Variants in MYH6 observed in about 807,000 individuals in gnomAD.
The protein encoded by MYH6 is myosin-6.
A neutral mutation model predicts 223.2 loss-of-function variants in MYH6; 126 were observed. The ratio of observed to expected loss-of-function variants is 0.56; its 90% CI spans 0.49 to 0.65. The LOEUF is 0.65. Ranked by LOEUF, MYH6 falls within the 30% of genes least tolerant of loss-of-function variation. The pLI is 0.00. For missense variants in MYH6, 2,040 were observed against 2,536.4 expected (o/e 0.80, Z 4.20); for synonymous variants, 978 against 1,010.2 (o/e 0.97, Z 0.61).
At position 23,384,763 on chromosome 14, in the gene MYH6, G is replaced by T. The variant is rs541256118; in HGVS notation, c.5290-46C>A. The stretch of plus-strand genomic sequence containing the variant: ...GCAAGGAACATGGGCCAGGGGCCGG[G>T]GCCTTTTGCCCCCCAAGGATCTCCT... On this transcript the variant is annotated intron_variant, in intron 35 of 38. Coordinates refer to ENST00000405093, the MANE Select transcript of MYH6 (RefSeq NM_002471.4). The T allele has an allele frequency of 5.6e-6, 9 of 1,614,092 alleles. No homozygotes were observed. In the South Asian group the frequency reaches 9.9e-5, roughly 18 times the overall value.
At position 23,387,509 on chromosome 14, in the gene MYH6, A is replaced by G. The variant is rs1335878588; in HGVS notation, c.4650+20T>C. 1.2e-6 allele frequency: 2 copies of G among 1,612,078 alleles called. No individual in the cohort carries two copies. Among genetic ancestry groups the G allele is most frequent in the African/African-American group, 2.7e-5 (2 of 74,888 alleles). On this transcript the variant is annotated intron_variant, in intron 32 of 38. Coordinates refer to ENST00000405093, the MANE Select transcript of MYH6 (RefSeq NM_002471.4). Reference sequence around the variant, plus strand: ...CAGCGGCAGAACAGGGATGGGGTGCAGGGAGTTCTCGGCCCTCACCTCTGC... The same window carrying G: ...CAGCGGCAGAACAGGGATGGGGTGCGGGGAGTTCTCGGCCCTCACCTCTGC...
Position 23,394,067 on chromosome 14 carries a change from C to A in MYH6, c.2685+1G>T. 1 of 1,614,138 alleles carries A rather than the reference C, an allele frequency of 6.2e-7. No individual in the cohort carries two copies. On this transcript the variant is annotated splice_donor_variant, in intron 21 of 38. Coordinates refer to ENST00000405093, the MANE Select transcript of MYH6 (RefSeq NM_002471.4). LOFTEE classifies it high-confidence loss of function. Reference sequence around the variant, plus strand: ...CTGAAGAGATAATCACGTGGCCTCACCGCCTGCACTTGGAGCTGCAGGTCA... The same window carrying A: ...CTGAAGAGATAATCACGTGGCCTCAACGCCTGCACTTGGAGCTGCAGGTCA...
Position 23,393,921 on chromosome 14 carries a change from A to T in MYH6, c.2686-13T>A. The T allele has an allele frequency of 6.2e-7, 1 of 1,614,136 alleles. No homozygotes were observed. The highest frequency in any genetic ancestry group is 8.5e-7 in the Non-Finnish European group (1 of 1,180,034). ...GGTTGTCTTGTTCCTGGGAGAAGAG[A>T]ACAGGGAGGAAGCTGATGGTTAAAG... On this transcript the variant is annotated splice_polypyrimidine_tract_variant and intron_variant, in intron 21 of 38. Coordinates refer to ENST00000405093, the MANE Select transcript of MYH6 (RefSeq NM_002471.4).
chr14:23,394,514 C>T (rs993135355), intron 20 of MYH6, among the ~76,000 whole-genome samples, 191 bp from the exon 21 acceptor site: 3 of 152,184 alleles, frequency 2.0e-5, no homozygotes, highest in African/African-American at 4.8e-5. Context: ...AGTTTATATC[C>T]TCCCAGCTGG....
At chr14:23,383,341 G>GGGGGGGCCCCCCCCCCCC in intron 36 of MYH6, 21 bp from the exon 37 acceptor site, 2 of 556,572 alleles carry the variant, frequency 3.6e-6, no homozygotes, top group Non-Finnish European at 6.5e-6. Context: ...GAGGGTGGGA[G>GGGGGGGCCCCCCCCCCCC]AAGCTGGTTT....
At chr14:23,388,660 C>T (rs1891120691) in intron 29 of MYH6, 199 bp downstream of exon 29, 1 of 954,986 alleles carries the variant, frequency 1.0e-6, no homozygotes, top group Non-Finnish European at 1.7e-6. Flanking sequence ...CAAAAGCTCG[C>T]CCGTCACAGG....
rs988327696 is a variant in MYH6, at chr14:23,405,508, G to T, written c.345+119C>A. The T allele has an allele frequency of 5.6e-6, 9 of 1,595,336 alleles. No individual in the cohort carries two copies. Among genetic ancestry groups the T allele is most frequent in the Middle Eastern group, 1.7e-4 (1 of 5,768 alleles). On this transcript the variant is annotated intron_variant, in intron 4 of 38. Coordinates refer to ENST00000405093, the MANE Select transcript of MYH6 (RefSeq NM_002471.4). The surrounding 1 kb of genome is among the most constrained non-coding windows in gnomAD (Gnocchi z 4.7). ...CTCCTGCAGCTGACTAGGGGTGGAG[G>T]GGGGAAGGGGACTTGGGTCCCTTGG...
chr14:23,398,310 C>T (rs1313423787), intron 15 of MYH6, among the ~76,000 whole-genome samples: 1 of 152,156 alleles, frequency 6.6e-6, no homozygotes, highest in African/African-American at 2.4e-5. Context: ...GCCACCGTGC[C>T]CAACCTCTAC....
At position 23,398,820 on chromosome 14, in the gene MYH6, T is replaced by A. The variant is rs776636056; in HGVS notation, c.1799A>T (p.Asp600Val). 6.2e-7 allele frequency: 1 copy of A among 1,614,080 alleles called. No homozygotes were observed. The highest frequency in any genetic ancestry group is 8.5e-7 in the Non-Finnish European group (1 of 1,179,984). The change falls in exon 15 of 39, where the codon GAT (aspartate) becomes GTT (valine). Residue 600 changes from aspartate (D) to valine (V), a missense_variant. This residue lies in a region of MYH6 where 649 missense variants were observed against 877.3 expected (regional missense o/e 0.74). Coordinates refer to ENST00000405093, the MANE Select transcript of MYH6 (RefSeq NM_002471.4). ...NILGWLEKNK[D>V]PLNETVVALY... ...GGCCACAACAGTCTCGTTGAGAGGATCCTTGTTTTTTTCCAGCCAGCCCAG... is the reference window on the plus strand; with the variant it reads ...GGCCACAACAGTCTCGTTGAGAGGAACCTTGTTTTTTTCCAGCCAGCCCAG...
intron 34 of MYH6, among the ~76,000 whole-genome samples, chr14:23,385,315 G>A (rs930187192): frequency 3.3e-5 from 5 of 151,662 alleles, no homozygotes; most frequent in African/African-American, 9.7e-5. Context: ...ACATGTTTAC[G>A]TAGGAGCATG....
At position 23,388,189 on chromosome 14, in the gene MYH6, G is replaced by C; in HGVS notation, c.4325C>G (p.Ala1442Gly). 6.2e-7 allele frequency: 1 copy of C among 1,612,334 alleles called. No individual in the cohort carries two copies. Among genetic ancestry groups the C allele is most frequent in the Non-Finnish European group, 8.5e-7 (1 of 1,180,018 alleles). The change falls in exon 30 of 39, where the codon GCA becomes GGA. Residue 1442 changes from alanine (A) to glycine (G), a missense_variant. By Grantham distance (60) the Ala-to-Gly change is moderately conservative. Around this residue, in one of 4 missense-constraint regions of MYH6, gnomAD observed 1,203 missense variants for 1,400.2 expected, o/e 0.86. Transcript: ENST00000405093. Reference protein sequence around the residue: ...VDVERSNAAAAALDKKQRNFD... With the variant: ...VDVERSNAAAGALDKKQRNFD... ...GTTTCTCTGCTTCTTGTCCAGGGCT[G>C]CAGCAGCAGCATTGGAGCGCTCTAC... is the stretch of plus-strand genomic sequence containing the variant.
At chr14:23,393,564 C>G in intron 22 of MYH6, 46 bp from the exon 23 acceptor site, 1 of 1,613,988 alleles carries the variant, frequency 6.2e-7, no homozygotes, top group Non-Finnish European at 8.5e-7. Flanking sequence ...GATCACCAGC[C>G]TGGAGACATC....
In MYH6 at chr14:23,400,994, G is replaced by C; in HGVS notation, c.1142-17C>G. On this transcript the variant is annotated splice_polypyrimidine_tract_variant and intron_variant, in intron 12 of 38. Coordinates refer to ENST00000405093, the MANE Select transcript of MYH6 (RefSeq NM_002471.4). ...TGTCAGCATCTGGTTGAGAGGGAAA[G>C]GATAAGTGAGCACTTCCTTTTTTTT... The C allele has an allele frequency of 6.2e-7, 1 of 1,613,528 alleles. No homozygotes were observed. The highest frequency in any genetic ancestry group is 8.5e-7 in the Non-Finnish European group (1 of 1,179,772).
At chr14:23,389,124 T>TAG (rs1891144671) in intron 28 of MYH6, 69 bp from the exon 29 acceptor site, 1 of 1,498,490 alleles carries the variant, frequency 6.7e-7, no homozygotes, top group South Asian at 1.3e-5. Context: ...ATTCTCTTCT[T>TAG]ATGTAGTACT....
chr14:23,395,767 A>G (rs1326667161), intron 20 of MYH6, among the ~76,000 whole-genome samples: 1 of 152,076 alleles, frequency 6.6e-6, no homozygotes, highest in Non-Finnish European at 1.5e-5. Context: ...TGACCTCGTG[A>G]TCCACCCGCC....
intron 33 of MYH6, 45 bp from the exon 34 acceptor site, chr14:23,386,176 C>A (rs747862441): frequency 6.2e-7 from 1 of 1,613,566 alleles, no homozygotes; most frequent in Non-Finnish European, 8.5e-7. Context: ...AGCCTCGGTG[C>A]CCTTCACTGA....
Position 23,400,890 on chromosome 14 carries a change from T to C in MYH6, c.1229A>G (p.Glu410Gly). Residue 410 changes from glutamate (E) to glycine (G), a missense_variant, in exon 13 of 39, where the codon GAG becomes GGG. Physicochemically the swap from Glu to Gly is moderately conservative, Grantham distance 98. Around this residue, in one of 4 missense-constraint regions of MYH6, gnomAD observed 649 missense variants for 877.3 expected, o/e 0.74. Coordinates refer to ENST00000405093, the MANE Select transcript of MYH6 (RefSeq NM_002471.4). The stretch of plus-strand genomic sequence containing the variant: ...CACGCTCTGCCCCTTGGTGACATAC[T>C]CGTTGCCCACTTTCACCCGAGGGTG... The part of the protein sequence containing the change: ...LCHPRVKVGN[E>G]YVTKGQSVQQ... The C allele has an allele frequency of 6.2e-7, 1 of 1,614,210 alleles. No individual in the cohort carries two copies. Among genetic ancestry groups the C allele is most frequent in the East Asian group, 2.2e-5 (1 of 44,882 alleles).
chr14:23,401,542 T>C (rs950975356), intron 12 of MYH6, among the ~76,000 whole-genome samples: 2 of 152,248 alleles, frequency 1.3e-5, no homozygotes, highest in Non-Finnish European at 2.9e-5. Context: ...TCTACATCTG[T>C]GGCATCTCTG....
chr14:23,392,423 G>A (rs759214193), intron 25 of MYH6, 139 bp downstream of exon 25: 7 of 773,972 alleles, frequency 9.0e-6, no homozygotes, highest in African/African-American at 1.7e-5. Context: ...GTTCCTGAGC[G>A]CCTGTAAGTC....
Sources: gnomAD v4.1 joint callset for allele counts (sites outside exome capture counted in the v4.1 genomes callset) on GRCh38, gnomAD v4.1.1 for gene constraint, gnomAD v4.1.1 regional missense constraint, Gnocchi (gnomAD v3.1) non-coding constraint, MANE v1.5 for transcripts, NCBI Gene and HGNC (gene_info 2026-07-23, HGNC 2026-07-21) for gene names.